Variants in HIP1 observed in about 807,000 individuals in gnomAD.
HIP1 encodes the protein huntingtin interacting protein 1.
Under a neutral mutation model 147.6 loss-of-function variants are expected in HIP1, and 65 were observed. The observed-to-expected ratio is 0.44, with a 90% confidence interval of 0.36 to 0.54. The LOEUF (loss-of-function observed/expected upper bound fraction) is 0.54, where lower values mean the gene tolerates loss of function less well. HIP1 is among the 20% of genes least tolerant of loss of function. The probability of loss-of-function intolerance (pLI) is 0.00; values close to 1 mark genes in which losing one functional copy is unlikely to be tolerated. For missense variants in HIP1, 1,061 were observed against 1,299.6 expected (o/e 0.82, Z 2.82); for synonymous variants, 479 against 504.0 (o/e 0.95, Z 0.67).
intron 1 of HIP1, among the ~76,000 whole-genome samples, chr7:75,643,508 G>T (rs1215892026): frequency 6.6e-6 from 1 of 152,168 alleles, no homozygotes; most frequent in Non-Finnish European, 1.5e-5. Flanking sequence ...GTCAGGAAAG[G>T]CGTAGAATGG....
At chr7:75,701,555 G>GT (rs1800835006) in intron 1 of HIP1, among the ~76,000 whole-genome samples, 1 of 151,998 alleles carries the variant, frequency 6.6e-6, no homozygotes, top group African/African-American at 2.4e-5. Flanking sequence ...TTTAAAAAAT[G>GT]TTTTTTAAAT....
At chr7:75,599,367 C>A in intron 1 of HIP1, 120 bp from the exon 2 acceptor site, 2 of 764,620 alleles carry the variant, frequency 2.6e-6, no homozygotes, top group Non-Finnish European at 4.4e-6. Context: ...CCCAGCCCCA[C>A]GGGTGGTCGG....
At position 75,552,855 on chromosome 7, in the gene HIP1, C is replaced by T. The variant is rs1356111087; in HGVS notation, c.2295+598G>A. Among the ~76,000 whole-genome samples the T allele has an allele frequency of 5.3e-5, 8 of 149,782 alleles. No homozygotes were observed. In the Admixed American group the frequency reaches 5.4e-4, roughly 10 times the overall value. On this transcript the variant is annotated intron_variant, in intron 22 of 30. Coordinates refer to ENST00000336926, the MANE Select transcript of HIP1 (RefSeq NM_005338.7). The stretch of plus-strand genomic sequence containing the variant: ...CTGGAAAGTCCTTCAGGAGGTTTTT[C>T]CTTTTTAAATTTTTTTTTTTTTAAT...
rs535835318 is a variant in HIP1 at position 75,678,493 on chromosome 7, G to A, written c.120+60308C>T. Among the ~76,000 whole-genome samples, 259 of 152,006 alleles carry A rather than the reference G, an allele frequency of 1.7e-3. 1 individual carries two copies. Among genetic ancestry groups the A allele is most frequent in the African/African-American group, 5.3e-3 (218 of 41,474 alleles). ...CAAGTAGCTGGGATTACAGGCGCCC[G>A]CCACCACACCCGGCTAATTTTTGTA... On this transcript the variant is annotated intron_variant, in intron 1 of 30. Coordinates refer to ENST00000336926, the MANE Select transcript of HIP1 (RefSeq NM_005338.7).
At position 75,551,189 on chromosome 7, in the gene HIP1, ATT is replaced by A. The variant is rs55679922; in HGVS notation, c.2296-2190_2296-2189del. Among the ~76,000 whole-genome samples the A allele has an allele frequency of 2.3e-4, 18 of 77,410 alleles. 1 individual carries two copies. Among genetic ancestry groups the A allele is most frequent in the Admixed American group, 9.9e-4 (6 of 6,074 alleles). The allele number at this position is 77,410 out of a possible 152,430, so 50.8% of individuals were successfully genotyped here. On this transcript the variant is annotated intron_variant, in intron 22 of 30. Transcript: ENST00000336926. ...TAGGGAGGCAAAGATGTAGATGATA[ATT>A]TTTTTTTTTTTTTTTTTTTTTTTTG...
chr7:75,654,457 G>A (rs1304120879), intron 1 of HIP1: 1 of 152,190 alleles, frequency 6.6e-6, no homozygotes, highest in Non-Finnish European at 1.5e-5. Flanking sequence ...ATGGCTACAG[G>A]TTCTTTCCAC....
intron 4 of HIP1, among the ~76,000 whole-genome samples, chr7:75,587,677 A>G (rs893997072): frequency 1.3e-5 from 2 of 152,154 alleles, no homozygotes; most frequent in African/African-American, 2.4e-5. Context: ...AAGAATGTTG[A>G]GTCTGGCCAG....
At position 75,537,432 on chromosome 7, in the gene HIP1, C is replaced by T. The variant is rs782007120; in HGVS notation, c.*740G>A. On this transcript the variant is annotated 3_prime_UTR_variant, in exon 31 of 31. Transcript: ENST00000336926. ...CACCGAGAGGCCTGGGCAGCACCAT[C>T]GCTGGAGCTACCACAGTTGGGGGGC... 6.0e-5 allele frequency: 14 copies of T among 232,692 alleles called. No homozygotes were observed. Among genetic ancestry groups the T allele is most frequent in the Non-Finnish European group, 8.5e-5 (10 of 117,684 alleles). 14.4% of individuals were successfully genotyped at this position (232,692 alleles called of 1,614,324 possible).
At position 75,541,902 on chromosome 7, in the gene HIP1, A is replaced by G; in HGVS notation, c.2952+17T>C. The G allele has an allele frequency of 6.3e-7, 1 of 1,592,206 alleles. No individual in the cohort carries two copies. The highest frequency in any genetic ancestry group is 8.6e-7 in the Non-Finnish European group (1 of 1,159,984). ...TAGGCAATAGAGGCTATCTAGACTTACAGATGGAGCTCTCACCTGAGAATC... is the reference window on the plus strand; with the variant it reads ...TAGGCAATAGAGGCTATCTAGACTTGCAGATGGAGCTCTCACCTGAGAATC... On this transcript the variant is annotated intron_variant, in intron 29 of 30. Transcript: ENST00000336926.
chr7:75,669,434 G>A (rs7780452), intron 1 of HIP1, among the ~76,000 whole-genome samples: 10,565 of 151,754 alleles, frequency 0.07, 622 homozygotes, highest in Admixed American at 0.19. Context: ...GTGGTGGTGC[G>A]TGCCTATAAT....
chr7:75,728,389 G>A (rs534989751), intron 1 of HIP1, among the ~76,000 whole-genome samples: 4 of 152,302 alleles, frequency 2.6e-5, no homozygotes, highest in African/African-American at 7.2e-5. Context: ...CCACCCTGCC[G>A]GGAGGTGGGG....
intron 1 of HIP1, among the ~76,000 whole-genome samples, chr7:75,667,470 T>C (rs192222110): frequency 2.0e-5 from 3 of 152,288 alleles, no homozygotes; most frequent in Non-Finnish European, 4.4e-5. Context: ...CAAACTGTGT[T>C]AGTTTAATAT....
intron 1 of HIP1, among the ~76,000 whole-genome samples, chr7:75,728,321 A>T (rs577629648): frequency 6.6e-6 from 1 of 152,206 alleles, no homozygotes; most frequent in Non-Finnish European, 1.5e-5. Flanking sequence ...AGTCCTGCCC[A>T]CACACTGGGA....
chr7:75,632,764 C>T (rs587645603), intron 1 of HIP1, among the ~76,000 whole-genome samples: 2 of 152,202 alleles, frequency 1.3e-5, no homozygotes, highest in African/African-American at 4.8e-5. Flanking sequence ...GACTATGCAA[C>T]TGACCGTAGT....
At chr7:75,607,598 G>A (rs1797279692) in intron 1 of HIP1, among the ~76,000 whole-genome samples, 1 of 151,650 alleles carries the variant, frequency 6.6e-6, no homozygotes, top group Admixed American at 6.6e-5. Context: ...GTACTTGGGA[G>A]GCTGAGATAG....
chr7:75,605,996 C>T lies in HIP1; in HGVS notation c.121-6749G>A, dbSNP rs587602684. Among the ~76,000 whole-genome samples, 86 of 152,216 alleles carry T rather than the reference C, an allele frequency of 5.6e-4. 1 individual carries two copies. Among genetic ancestry groups the T allele is most frequent in the Admixed American group, 2.2e-3 (33 of 15,258 alleles). ...TCCTGAGTAGCTGGGACCACAGGCA[C>T]ATACCACTATGCCTGGCTAGTTGGT... On this transcript the variant is annotated intron_variant, in intron 1 of 30. Transcript: ENST00000336926.
chr7:75,665,399 A>C (rs1563280284), intron 1 of HIP1, among the ~76,000 whole-genome samples: 2 of 152,126 alleles, frequency 1.3e-5, no homozygotes, highest in Non-Finnish European at 2.9e-5. Flanking sequence ...GGAAGGTTTG[A>C]GGTAGTATCT....
At chr7:75,689,957 T>C (rs1352268525) in intron 1 of HIP1, among the ~76,000 whole-genome samples, 2 of 152,180 alleles carry the variant, frequency 1.3e-5, no homozygotes, top group Non-Finnish European at 2.9e-5. Flanking sequence ...GCAGCCCTGA[T>C]GGCATGATTT....
At chr7:75,691,164 G>A (rs898244208) in intron 1 of HIP1, among the ~76,000 whole-genome samples, 6 of 152,012 alleles carry the variant, frequency 3.9e-5, no homozygotes, top group Admixed American at 6.6e-5. Flanking sequence ...GACACAAAAG[G>A]TCACACGTGT....
Sources: gnomAD v4.1 joint callset for allele counts (sites outside exome capture counted in the v4.1 genomes callset) on GRCh38, gnomAD v4.1.1 for gene constraint, MANE v1.5 for transcripts, NCBI Gene and HGNC (gene_info 2026-07-23, HGNC 2026-07-21) for gene names.